Variants in KCND2 observed in about 807,000 individuals in gnomAD.
KCND2 encodes A-type voltage-gated potassium channel KCND2.
In KCND2, 16 loss-of-function variants were observed where a neutral mutation model predicts 54.4. The ratio of observed to expected loss-of-function variants is 0.29; its 90% CI spans 0.20 to 0.45. The LOEUF (loss-of-function observed/expected upper bound fraction) is 0.45. KCND2 is among the 20% of genes least tolerant of loss of function. KCND2 has a pLI of 1.00. For synonymous variants in KCND2, 317 were observed against 310.7 expected (o/e 1.02, Z -0.21); for missense variants, 486 against 824.2 (o/e 0.59, Z 5.02).
At chr7:120,469,186 A>G (rs1432594216) in intron 1 of KCND2, among the ~76,000 whole-genome samples, 3 of 152,174 alleles carry the variant, frequency 2.0e-5, no homozygotes, top group Admixed American at 2.0e-4. Context: ...AATTCACAAA[A>G]CAGATGAATT....
intron 1 of KCND2, among the ~76,000 whole-genome samples, chr7:120,603,734 T>G (rs779724756): frequency 7.9e-5 from 12 of 152,190 alleles, no homozygotes; most frequent in Non-Finnish European, 1.8e-4. Flanking sequence ...TATTAAAAGT[T>G]TCCATGGTCC....
At chr7:120,544,312 G>T (rs1792017628) in intron 1 of KCND2, among the ~76,000 whole-genome samples, 3 of 151,806 alleles carry the variant, frequency 2.0e-5, no homozygotes, top group African/African-American at 4.8e-5. Flanking sequence ...CTCATGCTCG[G>T]ATTATATTAT....
intron 1 of KCND2, among the ~76,000 whole-genome samples, chr7:120,573,072 A>G (rs1215350264): frequency 6.6e-6 from 1 of 152,234 alleles, no homozygotes; most frequent in Non-Finnish European, 1.5e-5. Context: ...CCTTCAAAAT[A>G]AAGTGTTGAA....
chr7:120,419,019 T>G (rs913823421), intron 1 of KCND2, among the ~76,000 whole-genome samples: 4 of 152,208 alleles, frequency 2.6e-5, no homozygotes, highest in Non-Finnish European at 5.9e-5. Context: ...AAATCCTCTG[T>G]TGATGAAATA....
intron 1 of KCND2, among the ~76,000 whole-genome samples, chr7:120,679,843 T>A (rs1251294072): frequency 1.3e-5 from 2 of 152,024 alleles, no homozygotes; most frequent in African/African-American, 4.8e-5. Context: ...CAAAAAGGGG[T>A]TCTTTAATTT....
intron 1 of KCND2, among the ~76,000 whole-genome samples, chr7:120,659,309 G>T (rs1791839239): frequency 8.1e-6 from 1 of 123,474 alleles, no homozygotes; most frequent in Non-Finnish European, 1.6e-5. Context: ...CCCACAATAG[G>T]ACTAAAGAGG....
chr7:120,557,627 T>C (rs1792180682), intron 1 of KCND2, among the ~76,000 whole-genome samples: 1 of 152,130 alleles, frequency 6.6e-6, no homozygotes, highest in Non-Finnish European at 1.5e-5. Context: ...TTTTTATGAC[T>C]GATAACATAC....
chr7:120,582,666 G>A (rs1792532250), intron 1 of KCND2, among the ~76,000 whole-genome samples: 1 of 151,942 alleles, frequency 6.6e-6, no homozygotes, highest in African/African-American at 2.4e-5. Context: ...ATAGACCCAA[G>A]CAAATCTTTA....
chr7:120,556,936 G>A (rs1792173201), intron 1 of KCND2, among the ~76,000 whole-genome samples: 1 of 152,116 alleles, frequency 6.6e-6, no homozygotes, highest in Non-Finnish European at 1.5e-5. Context: ...ATTCACTAAT[G>A]TTTCACAAAT....
At chr7:120,366,875 A>G (rs1432705845) in intron 1 of KCND2, among the ~76,000 whole-genome samples, 2 of 152,136 alleles carry the variant, frequency 1.3e-5, no homozygotes, top group Non-Finnish European at 2.9e-5. Context: ...CATCTGTTAA[A>G]TTGTTAAGTG....
intron 1 of KCND2, among the ~76,000 whole-genome samples, chr7:120,519,773 A>C (rs1327007458): frequency 1.3e-5 from 2 of 152,274 alleles, no homozygotes; most frequent in East Asian, 3.9e-4. Flanking sequence ...AATAGGCAAA[A>C]CTTTCAAAAC....
At chr7:120,590,127 T>C (rs1306969404) in intron 1 of KCND2, among the ~76,000 whole-genome samples, 1 of 152,134 alleles carries the variant, frequency 6.6e-6, no homozygotes, top group African/African-American at 2.4e-5. Flanking sequence ...GTTCAAGCAA[T>C]CGTGCCTCAG....
chr7:120,519,066 C>T (rs1803242008), intron 1 of KCND2, among the ~76,000 whole-genome samples: 3 of 151,986 alleles, frequency 2.0e-5, no homozygotes, highest in Admixed American at 6.6e-5. Flanking sequence ...TGGTGGTTCC[C>T]GCCTGTAATT....
chr7:120,611,830 C>T (rs1245092169), intron 1 of KCND2, among the ~76,000 whole-genome samples: 1 of 152,118 alleles, frequency 6.6e-6, no homozygotes, highest in Non-Finnish European at 1.5e-5. Flanking sequence ...CTCAGCTTCT[C>T]TACGAAAACC....
At chr7:120,333,425 A>G (rs965144819) in intron 1 of KCND2, among the ~76,000 whole-genome samples, 2 of 152,068 alleles carry the variant, frequency 1.3e-5, no homozygotes, top group Non-Finnish European at 2.9e-5. Context: ...TGTTACTATC[A>G]ATTACCAGAA....
At chr7:120,664,073 C>T (rs765817309) in intron 1 of KCND2, among the ~76,000 whole-genome samples, 1 of 151,998 alleles carries the variant, frequency 6.6e-6, no homozygotes, top group Non-Finnish European at 1.5e-5. Context: ...AAGGCATATA[C>T]CTGCATGTTT....
At chr7:120,587,098 A>T (rs1792609599) in intron 1 of KCND2, among the ~76,000 whole-genome samples, 1 of 152,216 alleles carries the variant, frequency 6.6e-6, no homozygotes, top group Non-Finnish European at 1.5e-5. Context: ...TTTTAGCTCT[A>T]TAAATCACTC....
chr7:120,544,608 T>C (rs887791023), intron 1 of KCND2, among the ~76,000 whole-genome samples: 2 of 151,952 alleles, frequency 1.3e-5, no homozygotes, highest in African/African-American at 4.8e-5. Flanking sequence ...GGCCTTGCAA[T>C]TGGTTGATTC....
chr7:120,679,274 C>T (rs1046125993), intron 1 of KCND2, among the ~76,000 whole-genome samples: 2 of 151,740 alleles, frequency 1.3e-5, no homozygotes, highest in Non-Finnish European at 2.9e-5. Flanking sequence ...ATGCTATTTC[C>T]AATGAGTTTT....
Sources: allele counts gnomAD v4.1 joint callset (sites outside exome capture counted in the v4.1 genomes callset), GRCh38; gene constraint gnomAD v4.1.1; transcripts MANE v1.5; gene names NCBI Gene and HGNC (gene_info 2026-07-23, HGNC 2026-07-21).